NRXN1: variants seen among roughly 807,000 people sequenced by gnomAD.
NRXN1 encodes neurexin 1.
A neutral mutation model predicts 150.9 loss-of-function variants in NRXN1; 39 were observed. That is an observed-to-expected ratio of 0.26 (90% CI 0.20 to 0.34). The LOEUF (loss-of-function observed/expected upper bound fraction) is 0.34, where lower values mean the gene tolerates loss of function less well. Among genes scored for constraint, NRXN1 ranks in the 10% least tolerant of loss-of-function variants. The pLI is 1.00. For synonymous variants in NRXN1, 924 were observed against 757.0 expected, an observed-to-expected ratio of 1.22 and a Z score of -3.62; for missense variants, 1,815 against 1,949.9, an observed-to-expected ratio of 0.93 and a Z score of 1.30.
At chr2:50,171,395 T>C (rs2060023403) in intron 18 of NRXN1, among the ~76,000 whole-genome samples, 1 of 151,300 alleles carries the variant, frequency 6.6e-6, no homozygotes, top group Admixed American at 6.7e-5. Context: ...ATTTAGGAAA[T>C]GAGTAGGCCT....
At chr2:50,507,870 G>T (rs546585713) in intron 12 of NRXN1, among the ~76,000 whole-genome samples, 1 of 151,616 alleles carries the variant, frequency 6.6e-6, no homozygotes. Context: ...GTCTTTCAAC[G>T]AATTGAGAAT....
chr2:50,472,967 G>C lies in NRXN1; in HGVS notation c.3071-496C>G, dbSNP rs142760377. On this transcript the variant is annotated intron_variant, in intron 15 of 22. Coordinates refer to ENST00000401669, the MANE Select transcript of NRXN1 (RefSeq NM_001330078.2). Reference sequence around the variant, plus strand: ...GCATCCACAAGAGCAAAAGTATAAAGTGGACACACAGTCAACAGGCATTAT... The same window carrying C: ...GCATCCACAAGAGCAAAAGTATAAACTGGACACACAGTCAACAGGCATTAT... Among the ~76,000 whole-genome samples the C allele has an allele frequency of 7.9e-3, 1,202 of 151,964 alleles. 20 individuals are homozygous for C. The highest frequency in any genetic ancestry group is 0.027 in the African/African-American group (1,141 of 41,504).
At chr2:50,378,525 A>G (rs2103625160) in intron 17 of NRXN1, among the ~76,000 whole-genome samples, 1 of 152,258 alleles carries the variant, frequency 6.6e-6, no homozygotes, top group Admixed American at 6.5e-5. Context: ...TGGGAGCTGT[A>G]GCTACCAGCT....
At chr2:49,948,058 T>C (rs1052374214) in intron 21 of NRXN1, among the ~76,000 whole-genome samples, 5 of 152,106 alleles carry the variant, frequency 3.3e-5, no homozygotes, top group Non-Finnish European at 7.4e-5. Flanking sequence ...AGTAGCTACA[T>C]TGGTATTTTG....
intron 5 of NRXN1, among the ~76,000 whole-genome samples, chr2:50,827,163 G>C (rs1670571074): frequency 6.6e-6 from 1 of 152,200 alleles, no homozygotes; most frequent in African/African-American, 2.4e-5. Context: ...ATTCAATCAA[G>C]AATGGCAAAT....
Position 50,384,528 on chromosome 2 carries a change from A to AT in NRXN1, c.3364+80913_3364+80914insA, listed in dbSNP as rs1558640969. ...CTCAAAAAAAAAAAAAAAAAAAAAAAAAAAAAATGCATCCTCTACATAAGG... is the reference window on the plus strand; with the variant it reads ...CTCAAAAAAAAAAAAAAAAAAAAAAATAAAAAAATGCATCCTCTACATAAGG... On this transcript the variant is annotated intron_variant, in intron 17 of 22. Transcript: ENST00000401669. Among the ~76,000 whole-genome samples the AT allele has an allele frequency of 3.2e-3, 458 of 144,306 alleles. 9 individuals carry two copies. Among genetic ancestry groups the AT allele is most frequent in the Admixed American group, 0.018 (262 of 14,434 alleles). The allele number at this position is 144,306 out of a possible 152,430, so 94.7% of individuals were successfully genotyped here.
intron 17 of NRXN1, among the ~76,000 whole-genome samples, chr2:50,309,817 G>A (rs992937657): frequency 1.3e-5 from 2 of 152,198 alleles, no homozygotes; most frequent in Admixed American, 6.5e-5. Flanking sequence ...ACACTACAGA[G>A]ATGTCCTGAG....
At chr2:50,311,753 T>C (rs1281541155) in intron 17 of NRXN1, among the ~76,000 whole-genome samples, 1 of 152,124 alleles carries the variant, frequency 6.6e-6, no homozygotes, top group Non-Finnish European at 1.5e-5. Flanking sequence ...AATTCCAGGG[T>C]AGGGAGACTG....
Position 50,123,579 on chromosome 2 carries a change from A to T in NRXN1, c.3547-32085T>A, listed in dbSNP as rs549688255. ...TCTGATTTAGGGTTTTAAAAAGCTC[A>T]TTCTCAGAGTCTTTGGGAATAGGTT... On this transcript the variant is annotated intron_variant, in intron 18 of 22. Transcript: ENST00000401669. Among the ~76,000 whole-genome samples the T allele has an allele frequency of 2.0e-4, 30 of 152,368 alleles. 1 individual carries two copies. The South Asian group carries it at 3.7e-3, about 19-fold the overall frequency.
chr2:50,696,392 A>G (rs1027222498), intron 5 of NRXN1: 1 of 152,626 alleles, frequency 6.6e-6, no homozygotes, highest in Non-Finnish European at 1.5e-5. Context: ...TCTCAGAAGT[A>G]AGTAATATTC....
At chr2:50,546,783 G>T (rs1317962491) in intron 9 of NRXN1, among the ~76,000 whole-genome samples, 2 of 152,116 alleles carry the variant, frequency 1.3e-5, no homozygotes, top group Non-Finnish European at 2.9e-5. Flanking sequence ...AGGTATTTCG[G>T]TGTTTCCTCT....
At chr2:50,505,219 CCAAAACACA>C (rs1259804889) in intron 13 of NRXN1, among the ~76,000 whole-genome samples, 1 of 151,990 alleles carries the variant, frequency 6.6e-6, no homozygotes. Flanking sequence ...AACCAACAAA[CCAAAACACA>C]CAAAACAAAA....
chr2:50,396,521 G>T (rs1216378514), intron 17 of NRXN1, among the ~76,000 whole-genome samples: 2 of 152,090 alleles, frequency 1.3e-5, no homozygotes, highest in Non-Finnish European at 2.9e-5. Flanking sequence ...TTGTTATCAA[G>T]AGTTTGAGAG....
intron 15 of NRXN1, among the ~76,000 whole-genome samples, chr2:50,484,312 G>C (rs886350145): frequency 6.6e-6 from 1 of 152,006 alleles, no homozygotes; most frequent in African/African-American, 2.4e-5. Context: ...TCGAAAGATG[G>C]AATATTATTA....
At chr2:50,437,267 T>C (rs1445362152) in intron 17 of NRXN1, among the ~76,000 whole-genome samples, 1 of 152,162 alleles carries the variant, frequency 6.6e-6, no homozygotes, top group African/African-American at 2.4e-5. Context: ...ATCCACAAAA[T>C]CCCAAGTAAA....
rs1033902024 is a variant in NRXN1 at position 50,346,134 on chromosome 2, G to C, written c.3365-109164C>G. Among the ~76,000 whole-genome samples, 2 of 152,210 alleles carry C rather than the reference G, an allele frequency of 1.3e-5. No individual in the cohort carries two copies. The highest frequency in any genetic ancestry group is 4.8e-5 in the African/African-American group (2 of 41,464). On this transcript the variant is annotated intron_variant, in intron 17 of 22. Coordinates refer to ENST00000401669, the MANE Select transcript of NRXN1 (RefSeq NM_001330078.2). This position sits in a 1 kb window ranked among gnomAD's most constrained non-coding sequence, Gnocchi z 5.0. Reference sequence around the variant, plus strand: ...ATTAAGGGAAGGCGTGGGGGCAAAAGTAATTGGCCTCCTGTTGAGTGAGTC... The same window carrying C: ...ATTAAGGGAAGGCGTGGGGGCAAAACTAATTGGCCTCCTGTTGAGTGAGTC...
chr2:50,993,345 G>A (rs62143012), intron 2 of NRXN1, among the ~76,000 whole-genome samples: 1 of 151,756 alleles, frequency 6.6e-6, no homozygotes, highest in Admixed American at 6.6e-5. Flanking sequence ...GTGCCATACT[G>A]CCCCAAAGAT....
At chr2:50,755,372 C>G (rs1358195195) in intron 5 of NRXN1, among the ~76,000 whole-genome samples, 1 of 151,750 alleles carries the variant, frequency 6.6e-6, no homozygotes. Context: ...GCAAAAAAGT[C>G]AGCAATGCAT....
At chr2:50,829,925 G>C (rs761492511) in intron 5 of NRXN1, among the ~76,000 whole-genome samples, 4 of 136,730 alleles carry the variant, frequency 2.9e-5, no homozygotes, top group Non-Finnish European at 3.0e-5. Flanking sequence ...CCCTTAGCAA[G>C]ACTCACAATG....
Sources: allele counts gnomAD v4.1 joint callset (sites outside exome capture counted in the v4.1 genomes callset), GRCh38; gene constraint gnomAD v4.1.1; non-coding constraint Gnocchi (gnomAD v3.1); transcripts MANE v1.5; gene names NCBI Gene and HGNC (gene_info 2026-07-23, HGNC 2026-07-21).